The following MEAK7 variants were observed in gnomAD, a reference collection of about 807,000 sequenced individuals.
The protein encoded by MEAK7 is MTOR associated protein MEAK7, also known as MTOR-associated protein MEAK7.
In MEAK7, 68 loss-of-function variants were observed where a neutral mutation model predicts 40.5. The observed-to-expected ratio is 1.68, with a 90% CI of 1.38 to 2.06. MEAK7 has a LOEUF of 2.06. Ranked by LOEUF, MEAK7 falls within the 30% of genes most tolerant of loss-of-function variation. The probability of loss-of-function intolerance (pLI) is 0.00; values close to 1 mark genes in which losing one functional copy is unlikely to be tolerated. For missense variants in MEAK7, 918 were observed against 580.5 expected, an observed-to-expected ratio of 1.58 and a Z score of -5.98; for synonymous variants, 338 against 231.9, an observed-to-expected ratio of 1.46 and a Z score of -4.16.
At chr16:84,500,300 C>T (rs1465070851) in intron 1 of MEAK7, among the ~76,000 whole-genome samples, 1 of 152,160 alleles carries the variant, frequency 6.6e-6, no homozygotes, top group Non-Finnish European at 1.5e-5. Flanking sequence ...CCCCCTGTTC[C>T]AATTTCCAGT....
intron 3 of MEAK7, chr16:84,494,681 T>C (rs1241381649): frequency 1.1e-5 from 4 of 366,180 alleles, no homozygotes; most frequent in Non-Finnish European, 1.6e-5. Flanking sequence ...CACTATTTTT[T>C]CTTCACGGGA....
At chr16:84,501,564 C>G (rs996607354) in intron 1 of MEAK7, among the ~76,000 whole-genome samples, 2 of 152,154 alleles carry the variant, frequency 1.3e-5, no homozygotes, top group Admixed American at 1.3e-4. Context: ...CAGAAATGCA[C>G]AGAAGCGGCG....
chr16:84,488,262 C>T (rs1913267786), intron 4 of MEAK7: 1 of 152,168 alleles, frequency 6.6e-6, no homozygotes, highest in African/African-American at 2.4e-5. Context: ...AGACGAATTA[C>T]TGATACTTAC....
In MEAK7 at chr16:84,498,116, A is replaced by G. The variant is rs1914206582; in HGVS notation, c.-25-5T>C. On this transcript the variant is annotated splice_region_variant and splice_polypyrimidine_tract_variant and intron_variant, in intron 1 of 7. Coordinates refer to ENST00000343629, the MANE Select transcript of MEAK7 (RefSeq NM_020947.4). ...CCTGATATCTGGCAGAATTCTCTGC[A>G]GAAGGAAAAGACACAACATTAGAAA... is the stretch of plus-strand genomic sequence containing the variant. 6.4e-7 allele frequency: 1 copy of G among 1,556,350 alleles called. No homozygotes were observed. The highest frequency in any genetic ancestry group is 2.3e-5 in the East Asian group (1 of 44,428).
At position 84,486,796 on chromosome 16, in the gene MEAK7, G is replaced by T; in HGVS notation, c.793C>A (p.Arg265Ser). ...TCAGACGAAAAGAGCAGGCACCAGC[G>T]GTGCCGCTGCTCCCGAGGCAGCTGG... ...NAQLPREQRH[R>S]WCLLFSSELH... The change falls in exon 5 of 8, where the codon CGC becomes AGC. Residue 265 changes from arginine (R) to serine (S), a missense_variant. Coordinates refer to ENST00000343629, the MANE Select transcript of MEAK7 (RefSeq NM_020947.4). 6.2e-7 allele frequency: 1 copy of T among 1,613,984 alleles called. No individual in the cohort carries two copies. The highest frequency in any genetic ancestry group is 8.5e-7 in the Non-Finnish European group (1 of 1,179,894).
intron 1 of MEAK7, among the ~76,000 whole-genome samples, chr16:84,500,464 T>C (rs889964145): frequency 6.6e-6 from 1 of 152,208 alleles, no homozygotes; most frequent in African/African-American, 2.4e-5. Flanking sequence ...TCTCCGCCTT[T>C]TATATGACAC....
At chr16:84,495,368 T>A (rs1913952007) in intron 3 of MEAK7, among the ~76,000 whole-genome samples, 1 of 152,188 alleles carries the variant, frequency 6.6e-6, no homozygotes, top group Non-Finnish European at 1.5e-5. Context: ...AAACACACAT[T>A]GACTATTTCC....
chr16:84,491,786 G>C (rs1324357454), intron 3 of MEAK7, among the ~76,000 whole-genome samples: 3 of 150,366 alleles, frequency 2.0e-5, no homozygotes, highest in East Asian at 1.9e-4. Context: ...TGCAGTGACT[G>C]AGATCGCGCC....
At chr16:84,491,553 AAAC>A (rs1466268939) in intron 3 of MEAK7, among the ~76,000 whole-genome samples, 8 of 150,128 alleles carry the variant, frequency 5.3e-5, no homozygotes, top group African/African-American at 1.5e-4. Context: ...AAAAAAAAAA[AAAC>A]GTCTGGGCAC....
chr16:84,494,345 T>C (rs1243246153), intron 3 of MEAK7, among the ~76,000 whole-genome samples: 1 of 152,226 alleles, frequency 6.6e-6, no homozygotes, highest in African/African-American at 2.4e-5. Flanking sequence ...CAATTTTTAT[T>C]ATTTTCTACA....
chr16:84,496,637 C>T (rs1049008450), intron 2 of MEAK7, among the ~76,000 whole-genome samples: 1 of 152,192 alleles, frequency 6.6e-6, no homozygotes, highest in Admixed American at 6.5e-5. Flanking sequence ...ACCTCGGCCA[C>T]TTCACAATGC....
Position 84,479,912 on chromosome 16 carries a change from C to T in MEAK7, c.*1G>A, listed in dbSNP as rs906367818. On this transcript the variant is annotated 3_prime_UTR_variant, in exon 8 of 8. Coordinates refer to ENST00000343629, the MANE Select transcript of MEAK7 (RefSeq NM_020947.4). The stretch of plus-strand genomic sequence containing the variant: ...GGCTCCAGGAAGGCTCAGGCGGCTC[C>T]TCATTCATCGTCCGGGACTTCCCGG... 1.9e-6 allele frequency: 3 copies of T among 1,593,438 alleles called. No individual in the cohort carries two copies. Among genetic ancestry groups the T allele is most frequent in the Non-Finnish European group, 1.7e-6 (2 of 1,165,730 alleles).
Position 84,497,575 on chromosome 16 carries a change from C to G in MEAK7, c.153+359G>C. ...ACACGAGGCAGGCTATCTCTCTCCT[C>G]TGATGTTCATCTCAAGTTAGAAATG... On this transcript the variant is annotated intron_variant, in intron 2 of 7. Transcript: ENST00000343629. 4 of 1,302,330 alleles carry G rather than the reference C, an allele frequency of 3.1e-6. No individual in the cohort carries two copies. In the South Asian group the frequency reaches 4.9e-5, roughly 16 times the overall value. 80.7% of individuals were successfully genotyped at this position (1,302,330 alleles called of 1,614,324 possible).
At chr16:84,489,472 A>T (rs1913384758) in intron 3 of MEAK7, 50 bp from the exon 4 acceptor site, 2 of 1,545,504 alleles carry the variant, frequency 1.3e-6, no homozygotes, top group African/African-American at 2.8e-5. Flanking sequence ...ATATCCTGAG[A>T]CCTATGTCAT....
intron 3 of MEAK7, among the ~76,000 whole-genome samples, chr16:84,491,972 TA>T (rs1913656600): frequency 6.6e-6 from 1 of 152,226 alleles, no homozygotes; most frequent in African/African-American, 2.4e-5. Context: ...TTCCTAGGGC[TA>T]AAAGAGACTT....
At chr16:84,482,130 G>A (rs1192473047) in intron 6 of MEAK7, among the ~76,000 whole-genome samples, 1 of 152,006 alleles carries the variant, frequency 6.6e-6, no homozygotes. Flanking sequence ...CCTGTGCCAT[G>A]TCACCAAGCT....
At chr16:84,482,027 G>C (rs998784976) in intron 6 of MEAK7, among the ~76,000 whole-genome samples, 5 of 152,212 alleles carry the variant, frequency 3.3e-5, no homozygotes, top group African/African-American at 1.2e-4. Flanking sequence ...CTTCGGCGTG[G>C]ATGCTGCCCC....
intron 1 of MEAK7, among the ~76,000 whole-genome samples, chr16:84,501,699 G>A (rs1914519357): frequency 6.6e-6 from 1 of 152,118 alleles, no homozygotes; most frequent in East Asian, 1.9e-4. Flanking sequence ...CCCAGGGCTG[G>A]TGCCAGTGAG....
rs575197613 is a variant in MEAK7 at position 84,486,371 on chromosome 16, C to T, written c.958+260G>A. 48 of 1,121,650 alleles carry T rather than the reference C, an allele frequency of 4.3e-5. 1 individual carries two copies. In the South Asian group the frequency reaches 4.7e-4, roughly 11 times the overall value. The allele number at this position is 1,121,650 out of a possible 1,614,324, so 69.5% of individuals were successfully genotyped here. ...GGCATCTGTGGCTTGACTTCTCCCA[C>T]GCCCCATAGACCCGGCACCGTGTAA... On this transcript the variant is annotated intron_variant, in intron 5 of 7. Coordinates refer to ENST00000343629, the MANE Select transcript of MEAK7 (RefSeq NM_020947.4).
Sources: allele counts gnomAD v4.1 joint callset (sites outside exome capture counted in the v4.1 genomes callset), GRCh38; gene constraint gnomAD v4.1.1; transcripts MANE v1.5; gene names NCBI Gene and HGNC (gene_info 2026-07-23, HGNC 2026-07-21).